NFIA: variants seen among roughly 807,000 people sequenced by gnomAD.
The protein encoded by NFIA is nuclear factor 1 A-type.
NFIA carries 8 observed loss-of-function variants against 62.8 expected under a neutral mutation model. The ratio of observed to expected loss-of-function variants is 0.13; its 90% CI spans 0.07 to 0.23. NFIA has a LOEUF of 0.23. Ranked by LOEUF, NFIA falls within the 10% of genes least tolerant of loss-of-function variation. The pLI, the probability that NFIA is intolerant of heterozygous loss-of-function variation, is 1.00. For missense variants in NFIA, 410 were observed against 642.1 expected (o/e 0.64, Z 3.91); for synonymous variants, 235 against 238.1 (o/e 0.99, Z 0.12).
intron 6 of NFIA, among the ~76,000 whole-genome samples, chr1:61,371,326 C>T (rs1439536619): frequency 6.6e-6 from 1 of 152,058 alleles, no homozygotes; most frequent in Non-Finnish European, 1.5e-5. Flanking sequence ...TTTAAGAGTT[C>T]GTTCTTCCAG....
chr1:61,308,985 A>G (rs1659946880), intron 3 of NFIA, among the ~76,000 whole-genome samples: 3 of 152,214 alleles, frequency 2.0e-5, no homozygotes, highest in South Asian at 4.1e-4. Context: ...GCCATCATTT[A>G]GTAACCTACA....
At chr1:61,188,419 C>G (rs1245678300) in intron 2 of NFIA, among the ~76,000 whole-genome samples, 2 of 152,150 alleles carry the variant, frequency 1.3e-5, no homozygotes, top group Non-Finnish European at 2.9e-5. Context: ...GAACCAATAA[C>G]AAGATGCTAG....
At chr1:61,356,419 C>T (rs1047846036) in intron 5 of NFIA, among the ~76,000 whole-genome samples, 4 of 152,132 alleles carry the variant, frequency 2.6e-5, no homozygotes, top group Middle Eastern at 6.8e-3. Context: ...GGCCAGAAAC[C>T]ATGTGGAAAA....
At chr1:61,362,770 G>A (rs955857820) in intron 6 of NFIA, among the ~76,000 whole-genome samples, 2 of 152,094 alleles carry the variant, frequency 1.3e-5, no homozygotes, top group Non-Finnish European at 2.9e-5. Context: ...TTTGTCTCTC[G>A]TACTTAGTTT....
chr1:61,158,899 G>T (rs558232883), intron 2 of NFIA, among the ~76,000 whole-genome samples: 1 of 152,174 alleles, frequency 6.6e-6, no homozygotes, highest in Non-Finnish European at 1.5e-5. Context: ...GCTGTTTTGT[G>T]CTTTACTGAA....
chr1:61,288,138 TTGAG>T (rs147004111), intron 3 of NFIA, among the ~76,000 whole-genome samples: 5 of 152,324 alleles, frequency 3.3e-5, no homozygotes, highest in Non-Finnish European at 5.9e-5. Context: ...CGTGTATTAA[TTGAG>T]TAAGCCACTG....
intron 10 of NFIA, among the ~76,000 whole-genome samples, chr1:61,440,406 A>G (rs77796340): frequency 6.6e-6 from 1 of 152,196 alleles, no homozygotes; most frequent in Non-Finnish European, 1.5e-5. Context: ...CTACCAAGTA[A>G]TTCTCATATA....
chr1:61,437,530 C>A (rs965820936), intron 10 of NFIA, among the ~76,000 whole-genome samples: 14 of 152,152 alleles, frequency 9.2e-5, no homozygotes, highest in African/African-American at 4.8e-5. Context: ...TGAGCACCTA[C>A]TATGTTCCTG....
At chr1:61,232,928 C>T (rs550019421) in intron 2 of NFIA, among the ~76,000 whole-genome samples, 34 of 152,082 alleles carry the variant, frequency 2.2e-4, no homozygotes, top group Non-Finnish European at 4.0e-4. Context: ...AAGAATTTTT[C>T]GTTGGGTTTT....
At chr1:61,225,275 T>C (rs1442864550) in intron 2 of NFIA, among the ~76,000 whole-genome samples, 1 of 151,364 alleles carries the variant, frequency 6.6e-6, no homozygotes, top group Non-Finnish European at 1.5e-5. Context: ...TTTTTGAGAC[T>C]GAGTCTCGCT....
At chr1:61,244,429 G>A (rs927687040) in intron 2 of NFIA, among the ~76,000 whole-genome samples, 1 of 152,158 alleles carries the variant, frequency 6.6e-6, no homozygotes, top group Non-Finnish European at 1.5e-5. Context: ...CCACATTGTG[G>A]TTTTCTTCAC....
chr1:61,098,633 C>G (rs1374948573), intron 2 of NFIA, among the ~76,000 whole-genome samples: 1 of 152,154 alleles, frequency 6.6e-6, no homozygotes, highest in Non-Finnish European at 1.5e-5. Flanking sequence ...TGTATGGCCT[C>G]TTAATATGTG....
At chr1:61,291,284 C>G (rs541919978) in intron 3 of NFIA, among the ~76,000 whole-genome samples, 1 of 152,128 alleles carries the variant, frequency 6.6e-6, no homozygotes, top group Non-Finnish European at 1.5e-5. Context: ...ATAGTGAGGC[C>G]GATGTGGAAA....
chr1:61,433,181 G>T (rs779558706), intron 10 of NFIA, among the ~76,000 whole-genome samples: 2 of 152,156 alleles, frequency 1.3e-5, no homozygotes, highest in African/African-American at 2.4e-5. Context: ...GCTCCAGTGG[G>T]ACTGTGCTGA....
chr1:61,276,210 C>T (rs1657795396), intron 2 of NFIA, among the ~76,000 whole-genome samples: 1 of 152,124 alleles, frequency 6.6e-6, no homozygotes, highest in African/African-American at 2.4e-5. Context: ...TTTGCTATAG[C>T]ACTTTCTTAT....
intron 10 of NFIA, among the ~76,000 whole-genome samples, chr1:61,432,744 A>T (rs887799368): frequency 6.6e-6 from 1 of 151,962 alleles, no homozygotes; most frequent in African/African-American, 2.4e-5. Flanking sequence ...TGAGCATTTC[A>T]GTTTCAAGCC....
intron 3 of NFIA, among the ~76,000 whole-genome samples, chr1:61,285,385 A>G (rs1005064843): frequency 2.0e-5 from 3 of 152,180 alleles, no homozygotes; most frequent in Non-Finnish European, 2.9e-5. Context: ...TGTTGTTTTT[A>G]AGCCTGTACA....
chr1:61,454,472 G>A (rs761947721), intron 10 of NFIA, among the ~76,000 whole-genome samples: 16 of 152,180 alleles, frequency 1.1e-4, no homozygotes, highest in Non-Finnish European at 2.2e-4. Flanking sequence ...CACACAGAAG[G>A]CTCTAAATAA....
At chr1:61,383,663 T>C (rs571189038) in intron 7 of NFIA, among the ~76,000 whole-genome samples, 22 of 151,672 alleles carry the variant, frequency 1.5e-4, no homozygotes, top group African/African-American at 4.6e-4. Context: ...CTACAAGTTG[T>C]GTGTGTGTGT....
Sources: gnomAD v4.1 joint callset for allele counts (sites outside exome capture counted in the v4.1 genomes callset) on GRCh38, gnomAD v4.1.1 for gene constraint, MANE v1.5 for transcripts, NCBI Gene and HGNC (gene_info 2026-07-23, HGNC 2026-07-21) for gene names.